Variants in COL22A1 observed in about 807,000 individuals in gnomAD.
COL22A1 encodes collagen type XXII alpha 1 chain.
COL22A1 carries 221 observed loss-of-function variants against 248.9 expected under a neutral mutation model. The observed-to-expected ratio is 0.89, with a 90% CI of 0.80 to 0.99. COL22A1 has a LOEUF of 0.99. COL22A1 is among the 50% of genes least tolerant of loss of function. The probability of loss-of-function intolerance (pLI) is 0.00; values close to 1 mark genes in which losing one functional copy is unlikely to be tolerated. For synonymous variants in COL22A1, 891 were observed against 793.4 expected, an observed-to-expected ratio of 1.12 and a Z score of -2.07; for missense variants, 2,240 against 2,179.0, an observed-to-expected ratio of 1.03 and a Z score of -0.56.
chr8:138,682,647 T>A (rs1826050728), intron 39 of COL22A1, among the ~76,000 whole-genome samples: 1 of 152,164 alleles, frequency 6.6e-6, no homozygotes, highest in Admixed American at 6.5e-5. Flanking sequence ...TGCCAATGAC[T>A]CCTTCTTCAA....
intron 37 of COL22A1, 39 bp downstream of exon 37, chr8:138,688,878 G>T: frequency 6.4e-7 from 1 of 1,563,192 alleles, no homozygotes; most frequent in Non-Finnish European, 8.8e-7. Context: ...AGAAGTTAAG[G>T]ATATTCACTT....
intron 12 of COL22A1, 76 bp from the exon 13 acceptor site, chr8:138,781,056 A>G: frequency 9.4e-7 from 1 of 1,062,956 alleles, no homozygotes; most frequent in Non-Finnish European, 1.4e-6. Context: ...TGCAGTGGAG[A>G]ACGTGCCAGG....
At chr8:138,886,436 G>T (rs1471166907) in intron 1 of COL22A1, among the ~76,000 whole-genome samples, 1 of 152,064 alleles carries the variant, frequency 6.6e-6, no homozygotes. Flanking sequence ...GGGGAAGGAG[G>T]AAGAGAGAGA....
intron 6 of COL22A1, chr8:138,825,851 C>T (rs570963028): frequency 3.7e-4 from 56 of 152,348 alleles, no homozygotes; most frequent in African/African-American, 1.3e-3. Context: ...TTGTCTATGA[C>T]TTGAGAACAA....
intron 41 of COL22A1, among the ~76,000 whole-genome samples, chr8:138,669,195 ACCAGAGG>A (rs1025617052): frequency 2.4e-4 from 37 of 152,292 alleles, no homozygotes; most frequent in Admixed American, 2.2e-3. Context: ...GAGGGAACAG[ACCAGAGG>A]CCAGAGGCCA....
chr8:138,835,007 G>A (rs1003497529), intron 4 of COL22A1, among the ~76,000 whole-genome samples: 4 of 152,162 alleles, frequency 2.6e-5, no homozygotes, highest in East Asian at 1.9e-4. Context: ...GAGCAGGGGC[G>A]GCACTGGAGA....
intron 21 of COL22A1, among the ~76,000 whole-genome samples, chr8:138,752,528 A>T (rs147142435): frequency 1.3e-5 from 2 of 152,134 alleles, no homozygotes; most frequent in Admixed American, 1.3e-4. Context: ...GATTCTGTTG[A>T]GCTCAGGACA....
intron 16 of COL22A1, among the ~76,000 whole-genome samples, chr8:138,764,640 G>C (rs779323345): frequency 1.3e-5 from 2 of 152,218 alleles, no homozygotes; most frequent in Non-Finnish European, 2.9e-5. Context: ...ATGTACACTT[G>C]TATTTTCAAT....
intron 25 of COL22A1, among the ~76,000 whole-genome samples, chr8:138,723,020 A>G (rs1005175894): frequency 6.6e-6 from 1 of 151,946 alleles, no homozygotes; most frequent in Non-Finnish European, 1.5e-5. Context: ...CCTATGTAAC[A>G]AGCTTGCACA....
chr8:138,616,860 G>A, intron 54 of COL22A1, 54 bp downstream of exon 54: 3 of 1,599,880 alleles, frequency 1.9e-6, no homozygotes, highest in Non-Finnish European at 2.6e-6. Context: ...TTCTGTCTGG[G>A]AAGTGTAAGC....
chr8:138,886,839 T>C (rs918188207), intron 1 of COL22A1, among the ~76,000 whole-genome samples: 6 of 152,218 alleles, frequency 3.9e-5, no homozygotes, highest in African/African-American at 1.4e-4. Context: ...TGACCTCAGG[T>C]CGCAGGCTGT....
intron 4 of COL22A1, among the ~76,000 whole-genome samples, chr8:138,839,835 C>T (rs1052062650): frequency 6.6e-6 from 1 of 152,134 alleles, no homozygotes; most frequent in Non-Finnish European, 1.5e-5. Context: ...TTGCCTAACG[C>T]TTTTATTGGC....
chr8:138,636,808 A>AAAAAG lies in COL22A1; in HGVS notation c.3502-18_3502-14dup. 1 of 1,610,196 alleles carries AAAAAG rather than the reference A, an allele frequency of 6.2e-7. No homozygotes were observed. Among genetic ancestry groups the AAAAAG allele is most frequent in the South Asian group, 1.1e-5 (1 of 90,814 alleles). On this transcript the variant is annotated splice_polypyrimidine_tract_variant and intron_variant, in intron 47 of 64. Coordinates refer to ENST00000303045, the MANE Select transcript of COL22A1 (RefSeq NM_152888.3). ...CTCCTTGACTTCCCTTGAAAGGAAA[A>AAAAAG]AAAAGAAAAGAAAGATGTCACTGGA...
intron 37 of COL22A1, among the ~76,000 whole-genome samples, chr8:138,687,946 C>A (rs1438406516): frequency 6.6e-6 from 1 of 152,174 alleles, no homozygotes; most frequent in Admixed American, 6.5e-5. Flanking sequence ...TGGGTAAAAA[C>A]CCCCTGTTGA....
rs772041721 is a variant in COL22A1, at chr8:138,878,057, C to T, written c.351G>A (p.Thr117=). The part of the protein sequence containing the change: ...RLAYHGGNTN[T]GDALRYITAR... ...CCGTGATGTAGCGGAGCGCGTCTCCCGTGTTGGTGTTGCCCCCGTGGTAGG... is the reference window on the plus strand; with the variant it reads ...CCGTGATGTAGCGGAGCGCGTCTCCTGTGTTGGTGTTGCCCCCGTGGTAGG... The change falls in exon 3 of 65, where the codon ACG becomes ACA. Residue 117 remains threonine (T), a synonymous_variant. Transcript: ENST00000303045. 6 of 1,595,428 alleles carry T rather than the reference C, an allele frequency of 3.8e-6. No individual in the cohort carries two copies. Among genetic ancestry groups the T allele is most frequent in the African/African-American group, 1.3e-5 (1 of 74,724 alleles).
chr8:138,839,186 G>C (rs977196752), intron 4 of COL22A1, among the ~76,000 whole-genome samples: 1 of 152,184 alleles, frequency 6.6e-6, no homozygotes, highest in African/African-American at 2.4e-5. Context: ...GAGAAGAAGA[G>C]AATGAAGGAA....
intron 3 of COL22A1, among the ~76,000 whole-genome samples, chr8:138,847,414 C>T (rs1410102165): frequency 1.3e-5 from 2 of 152,160 alleles, no homozygotes; most frequent in Non-Finnish European, 2.9e-5. Flanking sequence ...ATATCCATTT[C>T]CCACTTCTTT....
intron 58 of COL22A1, among the ~76,000 whole-genome samples, 188 bp from the exon 59 acceptor site, chr8:138,604,957 C>A (rs1818310958): frequency 1.3e-5 from 2 of 152,142 alleles, no homozygotes; most frequent in African/African-American, 4.8e-5. Context: ...CAAAAAATCA[C>A]CCCAGGTTAG....
chr8:138,649,804 CA>C, intron 45 of COL22A1, 26 bp from the exon 46 acceptor site: 2 of 1,407,820 alleles, frequency 1.4e-6, no homozygotes, highest in Non-Finnish European at 1.9e-6. Context: ...GAGGTGGGGA[CA>C]AAGAGAGAAT....
Sources: allele counts gnomAD v4.1 joint callset (sites outside exome capture counted in the v4.1 genomes callset), GRCh38; gene constraint gnomAD v4.1.1; transcripts MANE v1.5; gene names NCBI Gene and HGNC (gene_info 2026-07-23, HGNC 2026-07-21).